The following PACRG variants were observed in gnomAD, a reference collection of about 807,000 sequenced individuals.
The protein encoded by PACRG is parkin coregulated.
A neutral mutation model predicts 29.7 loss-of-function variants in PACRG; 29 were observed. The ratio of observed to expected loss-of-function variants is 0.98; its 90% CI spans 0.73 to 1.33. The LOEUF (loss-of-function observed/expected upper bound fraction) is 1.33. Ranked by LOEUF, PACRG falls within the 40% of genes most tolerant of loss-of-function variation. PACRG has a pLI of 0.00. For missense variants in PACRG, 279 were observed against 316.2 expected, an observed-to-expected ratio of 0.88 and a Z score of 0.89; for synonymous variants, 116 against 118.7, an observed-to-expected ratio of 0.98 and a Z score of 0.15.
At position 163,010,876 on chromosome 6, in the gene PACRG, C is replaced by T. The variant is rs967172425; in HGVS notation, c.292-51274C>T. 4.6e-5 allele frequency among the ~76,000 whole-genome samples: 7 copies of T among 152,250 alleles called. No homozygotes were observed. In the East Asian group the frequency reaches 9.7e-4, roughly 21 times the overall value. On this transcript the variant is annotated intron_variant, in intron 2 of 4. Coordinates refer to ENST00000366888, the MANE Select transcript of PACRG (RefSeq NM_001080379.2). Reference sequence around the variant, plus strand: ...CCCGAGAGGCTGTGCAGTGACTGAGCGCGGGCCCCTCCAGAGTTACTCAGT... The same window carrying T: ...CCCGAGAGGCTGTGCAGTGACTGAGTGCGGGCCCCTCCAGAGTTACTCAGT...
intron 2 of PACRG, chr6:162,997,537 A>G (rs751237642): frequency 1.1e-4 from 45 of 417,770 alleles, no homozygotes; most frequent in African/African-American, 2.1e-4. Flanking sequence ...GAAAAATTCA[A>G]TGTCAAGGTG....
chr6:162,801,437 G>C (rs1785861052), intron 1 of PACRG, among the ~76,000 whole-genome samples: 1 of 151,860 alleles, frequency 6.6e-6, no homozygotes, highest in Admixed American at 6.6e-5. Context: ...ATCTTATACT[G>C]ATAGCATTGC....
chr6:162,744,335 C>T (rs943668673), intron 1 of PACRG, among the ~76,000 whole-genome samples: 3 of 152,250 alleles, frequency 2.0e-5, no homozygotes, highest in Admixed American at 6.5e-5. Context: ...TGGTGGCTCA[C>T]GCCTATAATC....
chr6:163,302,995 C>T (rs960705028), intron 4 of PACRG, among the ~76,000 whole-genome samples: 2 of 152,138 alleles, frequency 1.3e-5, no homozygotes, highest in Admixed American at 6.5e-5. Context: ...TTTAGAAATG[C>T]GTTTCCCCAT....
chr6:163,257,642 G>A (rs1783167407), intron 4 of PACRG, among the ~76,000 whole-genome samples: 1 of 152,096 alleles, frequency 6.6e-6, no homozygotes, highest in Non-Finnish European at 1.5e-5. Context: ...ATTTGCTTGA[G>A]ACAATATTTT....
chr6:162,869,673 T>G (rs1394517892), intron 2 of PACRG, among the ~76,000 whole-genome samples: 1 of 152,146 alleles, frequency 6.6e-6, no homozygotes, highest in Non-Finnish European at 1.5e-5. Flanking sequence ...TTAATATAAT[T>G]TCAGAGTTGG....
At position 163,164,692 on chromosome 6, in the gene PACRG, T is replaced by G. The variant is rs1352399361; in HGVS notation, c.613+75284T>G. 3.3e-5 allele frequency among the ~76,000 whole-genome samples: 5 copies of G among 152,230 alleles called. No individual in the cohort carries two copies. The East Asian group carries it at 7.7e-4, about 23-fold the overall frequency. ...CACCTCTCAGCCACTGGCCCGTTTT[T>G]GGGGCCTTAGTTCAAGCTGGGCCCC... On this transcript the variant is annotated intron_variant, in intron 4 of 4. Coordinates refer to ENST00000366888, the MANE Select transcript of PACRG (RefSeq NM_001080379.2).
chr6:162,981,305 A>ATATATATATATATATATTTTTTTTTT (rs925663285), intron 2 of PACRG, among the ~76,000 whole-genome samples: 3 of 149,132 alleles, frequency 2.0e-5, no homozygotes, highest in Non-Finnish European at 3.0e-5. Flanking sequence ...ATATATATAT[A>ATATATATATATATATATTTTTTTTTT]TTTACAATGG....
intron 2 of PACRG, chr6:163,044,866 T>C (rs1161726993): frequency 2.0e-5 from 3 of 152,208 alleles, no homozygotes; most frequent in African/African-American, 7.2e-5. Context: ...TTTCATTTCT[T>C]TTTAGAAACA....
chr6:163,155,494 G>A (rs375076420), intron 4 of PACRG, among the ~76,000 whole-genome samples: 281 of 152,358 alleles, frequency 1.8e-3, no homozygotes, highest in Non-Finnish European at 3.5e-3. Flanking sequence ...GAGAGCGAGA[G>A]GCCCTATTGG....
In PACRG at chr6:163,272,302, G is replaced by T. The variant is rs138392932; in HGVS notation, c.614-42525G>T. On this transcript the variant is annotated intron_variant, in intron 4 of 4. Coordinates refer to ENST00000366888, the MANE Select transcript of PACRG (RefSeq NM_001080379.2). ...TCTGCGTCCCTCGGCCTTCCAAAGT[G>T]CTGGGATTACAGGCGTAAGCCACCG... Among the ~76,000 whole-genome samples, 407 of 152,242 alleles carry T rather than the reference G, an allele frequency of 2.7e-3. 2 individuals are homozygous for T. The highest frequency in any genetic ancestry group is 9.6e-3 in the African/African-American group (397 of 41,550).
At chr6:162,998,108 A>G (rs1562816903) in intron 2 of PACRG, among the ~76,000 whole-genome samples, 1 of 152,068 alleles carries the variant, frequency 6.6e-6, no homozygotes, top group Non-Finnish European at 1.5e-5. Context: ...AGCACATGGA[A>G]CTCTGTTCCG....
chr6:163,135,096 A>T (rs1236378040), intron 4 of PACRG, among the ~76,000 whole-genome samples: 1 of 152,190 alleles, frequency 6.6e-6, no homozygotes, highest in Non-Finnish European at 1.5e-5. Flanking sequence ...ACAGTATAAT[A>T]ATACTGTACA....
intron 4 of PACRG, among the ~76,000 whole-genome samples, chr6:163,199,188 T>C (rs147274658): frequency 6.6e-6 from 1 of 152,262 alleles, no homozygotes; most frequent in Non-Finnish European, 1.5e-5. Flanking sequence ...AATAAAGAAA[T>C]AGATGAACAC....
At chr6:163,220,306 T>A (rs2128158915) in intron 4 of PACRG, among the ~76,000 whole-genome samples, 1 of 152,304 alleles carries the variant, frequency 6.6e-6, no homozygotes, top group Non-Finnish European at 1.5e-5. Context: ...TTCCATACAT[T>A]GTCTAATTTA....
intron 4 of PACRG, among the ~76,000 whole-genome samples, chr6:163,309,251 C>G (rs1320524232): frequency 6.6e-6 from 1 of 152,224 alleles, no homozygotes; most frequent in Non-Finnish European, 1.5e-5. Context: ...AGCCCTAGAC[C>G]GATGGCGGTG....
chr6:162,925,564 A>G (rs1797373356), intron 2 of PACRG, among the ~76,000 whole-genome samples: 1 of 152,250 alleles, frequency 6.6e-6, no homozygotes, highest in South Asian at 2.1e-4. Context: ...GACAAAAACT[A>G]CAGTTATCTC....
At chr6:163,273,295 C>G (rs1172057947) in intron 4 of PACRG, among the ~76,000 whole-genome samples, 1 of 151,998 alleles carries the variant, frequency 6.6e-6, no homozygotes, top group Non-Finnish European at 1.5e-5. Flanking sequence ...AAATGTTTGT[C>G]TTTCAGTATC....
At chr6:162,824,749 G>A (rs777117349) in intron 2 of PACRG, among the ~76,000 whole-genome samples, 4 of 152,212 alleles carry the variant, frequency 2.6e-5, no homozygotes, top group Non-Finnish European at 5.9e-5. Flanking sequence ...GCTGAGCTCT[G>A]TAACCTGCAT....
Sources: allele counts gnomAD v4.1 joint callset (sites outside exome capture counted in the v4.1 genomes callset), GRCh38; gene constraint gnomAD v4.1.1; transcripts MANE v1.5; gene names NCBI Gene and HGNC (gene_info 2026-07-23, HGNC 2026-07-21).